BRINP1: variants seen among roughly 807,000 people sequenced by gnomAD.
BRINP1 encodes the protein BMP/retinoic acid-inducible neural-specific protein 1.
Under a neutral mutation model 72.9 loss-of-function variants are expected in BRINP1, and 17 were observed. The observed-to-expected ratio is 0.23, with a 90% confidence interval of 0.16 to 0.35. The LOEUF (loss-of-function observed/expected upper bound fraction) is 0.35. Ranked by LOEUF, BRINP1 falls within the 10% of genes least tolerant of loss-of-function variation. The pLI is 1.00. For missense variants in BRINP1, 850 were observed against 1,001.6 expected, an observed-to-expected ratio of 0.85 and a Z score of 2.04; for synonymous variants, 418 against 378.5, an observed-to-expected ratio of 1.10 and a Z score of -1.21.
chr9:119,239,783 T>C (rs915369261), intron 4 of BRINP1, among the ~76,000 whole-genome samples: 5 of 152,252 alleles, frequency 3.3e-5, no homozygotes, highest in African/African-American at 1.2e-4. Context: ...GGTGCAGTCA[T>C]ATTTAGTAAA....
At chr9:119,172,486 T>C (rs1310413093) in intron 7 of BRINP1, among the ~76,000 whole-genome samples, 1 of 151,826 alleles carries the variant, frequency 6.6e-6, no homozygotes, top group African/African-American at 2.4e-5. Flanking sequence ...GTGGCAATAA[T>C]CAATAGCTTA....
intron 1 of BRINP1, among the ~76,000 whole-genome samples, chr9:119,349,016 G>A (rs943546072): frequency 1.3e-5 from 2 of 152,172 alleles, no homozygotes; most frequent in Non-Finnish European, 2.9e-5. Context: ...CAGGCTCAGA[G>A]AGTTTGAGTT....
intron 1 of BRINP1, among the ~76,000 whole-genome samples, chr9:119,335,104 G>A (rs1831334767): frequency 6.6e-6 from 1 of 152,204 alleles, no homozygotes; most frequent in South Asian, 2.1e-4. Context: ...AGCTCAGGAG[G>A]AGGAGAGAAG....
intron 5 of BRINP1, among the ~76,000 whole-genome samples, chr9:119,230,398 G>A (rs1412151401): frequency 6.6e-5 from 10 of 152,026 alleles, no homozygotes; most frequent in Admixed American, 1.3e-4. Context: ...GTGAGTCAAC[G>A]GATCAGCAGG....
At chr9:119,293,099 G>T (rs1006569397) in intron 2 of BRINP1, among the ~76,000 whole-genome samples, 1 of 152,102 alleles carries the variant, frequency 6.6e-6, no homozygotes. Context: ...TTTCCTAAAA[G>T]GTGATATGGC....
At chr9:119,238,586 C>A in intron 5 of BRINP1, 69 bp downstream of exon 5, 2 of 905,232 alleles carry the variant, frequency 2.2e-6, no homozygotes, top group Non-Finnish European at 3.5e-6. Flanking sequence ...CCCTCCTGAT[C>A]CCCTCTCCCA....
intron 2 of BRINP1, among the ~76,000 whole-genome samples, chr9:119,295,159 A>C (rs1830862026): frequency 6.7e-6 from 1 of 148,958 alleles, no homozygotes; most frequent in African/African-American, 2.5e-5. Context: ...TATTATTTTT[A>C]ATTTTTTTTT....
At chr9:119,361,434 T>C (rs560869806) in intron 1 of BRINP1, among the ~76,000 whole-genome samples, 2 of 152,244 alleles carry the variant, frequency 1.3e-5, no homozygotes, top group South Asian at 2.1e-4. Flanking sequence ...CACCATGGCA[T>C]AGAATCACTA....
rs971954208 is a variant in BRINP1, at chr9:119,256,023, C to T, written c.219-6873G>A. ...GAGAACTGGCTCTGTGCTCTTGGGACGGTGTATTCATTCCTGGATATCCGT... is the reference window on the plus strand; with the variant it reads ...GAGAACTGGCTCTGTGCTCTTGGGATGGTGTATTCATTCCTGGATATCCGT... On this transcript the variant is annotated intron_variant, in intron 2 of 7. Coordinates refer to ENST00000265922, the MANE Select transcript of BRINP1 (RefSeq NM_014618.3). Among the ~76,000 whole-genome samples, 5 of 144,538 alleles carry T rather than the reference C, an allele frequency of 3.5e-5. No homozygotes were observed. The Middle Eastern group carries it at 0.011, about 317-fold the overall frequency. The allele number at this position is 144,538 out of a possible 152,430, so 94.8% of individuals were successfully genotyped here. A position where few individuals can be genotyped will look rare whatever the true frequency, so the allele number is the denominator to read the frequency against.
intron 7 of BRINP1, among the ~76,000 whole-genome samples, chr9:119,175,589 T>C (rs1400771321): frequency 6.6e-6 from 1 of 152,122 alleles, no homozygotes; most frequent in Non-Finnish European, 1.5e-5. Flanking sequence ...TTGATTTCTA[T>C]TGCAGCCTCT....
At chr9:119,304,823 C>T (rs1037872100) in intron 2 of BRINP1, among the ~76,000 whole-genome samples, 8 of 152,204 alleles carry the variant, frequency 5.3e-5, no homozygotes, top group Non-Finnish European at 1.0e-4. Context: ...CCAGCACTCC[C>T]TTTCTCTCCC....
intron 6 of BRINP1, among the ~76,000 whole-genome samples, chr9:119,211,255 T>C (rs1463044944): frequency 1.3e-5 from 2 of 152,148 alleles, no homozygotes; most frequent in African/African-American, 4.8e-5. Flanking sequence ...TGGAGTGAAA[T>C]GGCACTATCT....
In BRINP1 at chr9:119,168,143, G is replaced by A. The variant is rs780559043; in HGVS notation, c.1227C>T (p.Ser409=). ...TGCCGTGGCACACGCAGCTCCGCTG[G>A]CTCTCCAGGAAGGTTCCCCAAAACC... ...ENGFWGTFLE[S]QRSCVCHGST... is the part of the protein sequence containing the mutation. The change falls in exon 8 of 8, where the codon AGC becomes AGT. Residue 409 remains serine, a synonymous_variant. Coordinates refer to ENST00000265922, the MANE Select transcript of BRINP1 (RefSeq NM_014618.3). 1.9e-6 allele frequency: 3 copies of A among 1,598,542 alleles called. No individual in the cohort carries two copies. In the South Asian group the frequency reaches 3.4e-5, roughly 18 times the overall value.
chr9:119,184,352 T>G (rs1287826728), intron 7 of BRINP1, among the ~76,000 whole-genome samples: 1 of 151,920 alleles, frequency 6.6e-6, no homozygotes, highest in Admixed American at 6.6e-5. Context: ...CCTCACTACC[T>G]TTTTTTTCCT....
chr9:119,168,345 T>C, intron 7 of BRINP1, 121 bp from the exon 8 acceptor site: 1 of 732,446 alleles, frequency 1.4e-6, no homozygotes, highest in Non-Finnish European at 2.1e-6. Context: ...GATGGAGCAG[T>C]GACAATACAG....
rs774126675 is a variant in BRINP1 at position 119,167,879 on chromosome 9, T to C, written c.1491A>G (p.Ser497=). The change falls in exon 8 of 8, where the codon TCA becomes TCG. Residue 497 remains serine, a synonymous_variant. Coordinates refer to ENST00000265922, the MANE Select transcript of BRINP1 (RefSeq NM_014618.3). This position sits in a 1 kb window ranked among gnomAD's most constrained non-coding sequence, Gnocchi z 4.3. ...TGAAGGTGGTGTGGACGTAGAGGCGTGAGTCCATCTTCTGCAGCAGGTACT... is the reference window on the plus strand; with the variant it reads ...TGAAGGTGGTGTGGACGTAGAGGCGCGAGTCCATCTTCTGCAGCAGGTACT... ...ELKYLLQKMD[S]RLYVHTTFIS... 8 of 1,614,014 alleles carry C rather than the reference T, an allele frequency of 5.0e-6. No homozygotes were observed. The highest frequency in any genetic ancestry group is 1.3e-5 in the African/African-American group (1 of 74,920).
intron 2 of BRINP1, among the ~76,000 whole-genome samples, chr9:119,278,625 C>T (rs894615170): frequency 2.0e-5 from 3 of 152,146 alleles, no homozygotes; most frequent in African/African-American, 4.8e-5. Context: ...CGCGGTGGCT[C>T]GCGCCTGTAA....
rs1441650606 is a variant in BRINP1 at position 119,249,070 on chromosome 9, T to G, written c.299A>C (p.Glu100Ala). ...LVRHPVPLMPEFQRSIRLLGR... is the reference protein window; with the variant it reads ...LVRHPVPLMPAFQRSIRLLGR... ...AAGCAGGCGGATGCTCCTTTGAAACTCCGGCATGAGGGGCACTGGATGGCG... is the reference window on the plus strand; with the variant it reads ...AAGCAGGCGGATGCTCCTTTGAAACGCCGGCATGAGGGGCACTGGATGGCG... Residue 100 changes from glutamate (E) to alanine (A), a missense_variant, in exon 3 of 8, where the codon GAG becomes GCG. Glu to Ala is a moderately radical substitution (Grantham distance 107, BLOSUM62 -1). Transcript: ENST00000265922. The G allele has an allele frequency of 1.2e-6, 2 of 1,614,064 alleles. No individual in the cohort carries two copies. Among genetic ancestry groups the G allele is most frequent in the East Asian group, 2.2e-5 (1 of 44,876 alleles).
intron 2 of BRINP1, among the ~76,000 whole-genome samples, chr9:119,253,603 G>A (rs1830415550): frequency 6.6e-6 from 1 of 152,054 alleles, no homozygotes; most frequent in African/African-American, 2.4e-5. Flanking sequence ...AGGCTGGGAA[G>A]GATAGTTGGG....
Sources: gnomAD v4.1 joint callset for allele counts (sites outside exome capture counted in the v4.1 genomes callset) on GRCh38, gnomAD v4.1.1 for gene constraint, Gnocchi (gnomAD v3.1) non-coding constraint, MANE v1.5 for transcripts, NCBI Gene and HGNC (gene_info 2026-07-23, HGNC 2026-07-21) for gene names.